The following ATP6V1H variants were observed in gnomAD, a reference collection of about 807,000 sequenced individuals.
The protein encoded by ATP6V1H is ATPase H+ transporting V1 subunit H, also known as V-type proton ATPase subunit H.
In ATP6V1H, 39 loss-of-function variants were observed where a neutral mutation model predicts 71.7. The observed-to-expected ratio is 0.54, with a 90% confidence interval of 0.42 to 0.71. The LOEUF is 0.71. ATP6V1H is among the 30% of genes least tolerant of loss of function. The pLI is 0.00. For synonymous variants in ATP6V1H, 192 were observed against 199.3 expected, an observed-to-expected ratio of 0.96 and a Z score of 0.31; for missense variants, 509 against 594.9, an observed-to-expected ratio of 0.86 and a Z score of 1.50.
At chr8:53,774,835 AGG>A (rs1808804466) in intron 9 of ATP6V1H, among the ~76,000 whole-genome samples, 3 of 152,244 alleles carry the variant, frequency 2.0e-5, no homozygotes, top group African/African-American at 7.2e-5. Context: ...AAGGAGACAG[AGG>A]ACAATTCAGA....
At chr8:53,805,445 T>C (rs1015787779) in intron 7 of ATP6V1H, among the ~76,000 whole-genome samples, 1 of 152,194 alleles carries the variant, frequency 6.6e-6, no homozygotes, top group Non-Finnish European at 1.5e-5. Flanking sequence ...CTTTTAAAAC[T>C]AAAAGGTGAT....
intron 13 of ATP6V1H, among the ~76,000 whole-genome samples, chr8:53,737,471 C>T (rs1356108004): frequency 1.3e-5 from 2 of 152,186 alleles, no homozygotes; most frequent in African/African-American, 4.8e-5. Context: ...TTTAGCAAGG[C>T]AGGAAAAACT....
At chr8:53,749,065 C>T (rs1807703554) in intron 12 of ATP6V1H, among the ~76,000 whole-genome samples, 1 of 152,354 alleles carries the variant, frequency 6.6e-6, no homozygotes, top group Non-Finnish European at 1.5e-5. Flanking sequence ...TAGTCAGATA[C>T]AGGTGGCTCT....
At chr8:53,733,576 T>C (rs1807101183) in intron 13 of ATP6V1H, among the ~76,000 whole-genome samples, 1 of 152,148 alleles carries the variant, frequency 6.6e-6, no homozygotes, top group Non-Finnish European at 1.5e-5. Flanking sequence ...GTACACTACC[T>C]AGGATTTACT....
In ATP6V1H at chr8:53,755,010, CTT is replaced by C. The variant is rs1427490674; in HGVS notation, c.1277+1543_1277+1544del. Among the ~76,000 whole-genome samples, 13 of 152,288 alleles carry C rather than the reference CTT, an allele frequency of 8.5e-5. No individual in the cohort carries two copies. The East Asian group carries it at 2.3e-3, about 27-fold the overall frequency. On this transcript the variant is annotated intron_variant, in intron 12 of 13. Coordinates refer to ENST00000359530, the MANE Select transcript of ATP6V1H (RefSeq NM_015941.4). ...GGGGGTGCAGGGGCTACCATTATCT[CTT>C]CTGTTCCCAATAAATTTTTCAGTAA...
At position 53,839,441 on chromosome 8, in the gene ATP6V1H, G is replaced by A. The variant is rs16919589; in HGVS notation, c.113+2137C>T. 4.7e-3 allele frequency among the ~76,000 whole-genome samples: 719 copies of A among 152,204 alleles called. 4 individuals carry two copies. The highest frequency in any genetic ancestry group is 0.016 in the African/African-American group (683 of 41,510). On this transcript the variant is annotated intron_variant, in intron 2 of 13. Transcript: ENST00000359530. ...CTCCCCTCCTCCTGTCCTTCAGTCAGTGGCCCCACAATAACCCAGTTCCTT... is the reference window on the plus strand; with the variant it reads ...CTCCCCTCCTCCTGTCCTTCAGTCAATGGCCCCACAATAACCCAGTTCCTT...
chr8:53,795,856 CAA>C lies in ATP6V1H; in HGVS notation c.678-19_678-18del, dbSNP rs745465778. ...CCCATTATGCTGAAAAACAAACAAACAAAAAAAACACATTTACAAAACATTTA... is the reference window on the plus strand; with the variant it reads ...CCCATTATGCTGAAAAACAAACAAACAAAAAACACATTTACAAAACATTTA... On this transcript the variant is annotated intron_variant, in intron 8 of 13. Transcript: ENST00000359530. 1 of 1,566,434 alleles carries C rather than the reference CAA, an allele frequency of 6.4e-7. No individual in the cohort carries two copies. The highest frequency in any genetic ancestry group is 2.3e-5 in the East Asian group (1 of 44,362).
chr8:53,816,320 G>A (rs1470921522), intron 5 of ATP6V1H, among the ~76,000 whole-genome samples: 2 of 152,138 alleles, frequency 1.3e-5, no homozygotes, highest in African/African-American at 4.8e-5. Context: ...AACATCTACT[G>A]AAACAAGCAG....
intron 4 of ATP6V1H, among the ~76,000 whole-genome samples, chr8:53,821,501 C>T (rs746626556): frequency 8.6e-5 from 13 of 151,864 alleles, no homozygotes; most frequent in Admixed American, 5.9e-4. Context: ...GGCAACATGG[C>T]GAAATCCCAT....
chr8:53,775,998 G>A (rs942943132), intron 9 of ATP6V1H, among the ~76,000 whole-genome samples: 8 of 152,222 alleles, frequency 5.3e-5, no homozygotes, highest in Non-Finnish European at 7.3e-5. Flanking sequence ...CCACGGAGGC[G>A]GGGAAGGCTC....
At chr8:53,800,168 T>A (rs1477500668) in intron 8 of ATP6V1H, among the ~76,000 whole-genome samples, 2 of 152,182 alleles carry the variant, frequency 1.3e-5, no homozygotes, top group Non-Finnish European at 2.9e-5. Flanking sequence ...GTGCGACCCC[T>A]CTGGGAGGAA....
intron 9 of ATP6V1H, among the ~76,000 whole-genome samples, chr8:53,792,477 C>G (rs1479061269): frequency 6.6e-6 from 1 of 152,214 alleles, no homozygotes; most frequent in Non-Finnish European, 1.5e-5. Flanking sequence ...CCAGGAAATA[C>G]ACAGGGCTTA....
intron 9 of ATP6V1H, among the ~76,000 whole-genome samples, chr8:53,772,678 CAT>C (rs1487068740): frequency 1.3e-5 from 2 of 152,142 alleles, no homozygotes; most frequent in African/African-American, 4.8e-5. Flanking sequence ...AGTTTTGCGA[CAT>C]TCGGGCAAAT....
rs536221432 is a variant in ATP6V1H at position 53,743,690 on chromosome 8, C to A, written c.1278G>T (p.Arg426=). ...GCTTCCCACCGAGCTGCTCGATGACCCTGCAAACGGGAGAGACGTGGTGAG... is the reference window on the plus strand; with the variant it reads ...GCTTCCCACCGAGCTGCTCGATGACACTGCAAACGGGAGAGACGTGGTGAG... ...EYVRHYPRGK[R]VIEQLGGKQL... is the part of the protein sequence containing the mutation. Residue 426 remains arginine (R), a splice_region_variant and synonymous_variant, in exon 13 of 14, where the codon CGG becomes CGT. Coordinates refer to ENST00000359530, the MANE Select transcript of ATP6V1H (RefSeq NM_015941.4). The A allele has an allele frequency of 6.2e-7, 1 of 1,602,792 alleles. No individual in the cohort carries two copies. Among genetic ancestry groups the A allele is most frequent in the Admixed American group, 1.7e-5 (1 of 59,516 alleles).
chr8:53,762,737 G>A (rs1808315574), intron 11 of ATP6V1H, among the ~76,000 whole-genome samples: 1 of 152,130 alleles, frequency 6.6e-6, no homozygotes, highest in Non-Finnish European at 1.5e-5. Flanking sequence ...GATTGAAAAA[G>A]TGAGAAGTAA....
chr8:53,768,962 A>C (rs577970961), intron 11 of ATP6V1H, among the ~76,000 whole-genome samples: 1 of 152,312 alleles, frequency 6.6e-6, no homozygotes, highest in African/African-American at 2.4e-5. Context: ...AAACCTACAC[A>C]TATTAGTCAT....
At chr8:53,757,875 A>C (rs1808130894) in intron 11 of ATP6V1H, among the ~76,000 whole-genome samples, 1 of 152,256 alleles carries the variant, frequency 6.6e-6, no homozygotes, top group African/African-American at 2.4e-5. Context: ...TTCAAGCCAT[A>C]GGAAGTAAAA....
intron 4 of ATP6V1H, among the ~76,000 whole-genome samples, chr8:53,819,547 C>CACATATAT (rs1810564738): frequency 2.8e-5 from 1 of 35,132 alleles, no homozygotes; most frequent in East Asian, 1.9e-3. Flanking sequence ...AAAAAAAAAG[C>CACATATAT]ATATATATAT....
At chr8:53,759,095 T>C (rs746089755) in intron 11 of ATP6V1H, among the ~76,000 whole-genome samples, 1 of 152,224 alleles carries the variant, frequency 6.6e-6, no homozygotes, top group Non-Finnish European at 1.5e-5. Context: ...GACTACTGAA[T>C]TAGAATCTGC....
Sources: allele counts gnomAD v4.1 joint callset (sites outside exome capture counted in the v4.1 genomes callset), GRCh38; gene constraint gnomAD v4.1.1; transcripts MANE v1.5; gene names NCBI Gene and HGNC (gene_info 2026-07-23, HGNC 2026-07-21).